Variants in CCDC91 observed in about 807,000 individuals in gnomAD.
CCDC91 encodes the protein coiled-coil domain containing 91.
In CCDC91, 48 loss-of-function variants were observed where a neutral mutation model predicts 63.2. That is an observed-to-expected ratio of 0.76 (90% CI 0.60 to 0.97). The LOEUF (loss-of-function observed/expected upper bound fraction) is 0.97. CCDC91 is among the 50% of genes least tolerant of loss of function. The pLI, the probability that CCDC91 is intolerant of heterozygous loss-of-function variation, is 0.00. For synonymous variants in CCDC91, 167 were observed against 165.8 expected, an observed-to-expected ratio of 1.01 and a Z score of -0.06; for missense variants, 500 against 494.6, an observed-to-expected ratio of 1.01 and a Z score of -0.10.
At chr12:28,233,277 C>T (rs1468887528) in intron 1 of CCDC91, among the ~76,000 whole-genome samples, 1 of 152,130 alleles carries the variant, frequency 6.6e-6, no homozygotes, top group Non-Finnish European at 1.5e-5. Context: ...GGTGTCTACT[C>T]TTCTGATTTC....
At chr12:28,535,227 A>G (rs1942054737) in intron 12 of CCDC91, among the ~76,000 whole-genome samples, 2 of 152,170 alleles carry the variant, frequency 1.3e-5, no homozygotes, top group African/African-American at 4.8e-5. Flanking sequence ...TATTTAAAGA[A>G]ATCTGGAACT....
chr12:28,202,050 A>G (rs1319387800), intron 1 of CCDC91, among the ~76,000 whole-genome samples: 1 of 152,208 alleles, frequency 6.6e-6, no homozygotes, highest in Non-Finnish European at 1.5e-5. Context: ...TTTCTTCTCT[A>G]GTGAATTTTT....
chr12:28,284,609 C>T lies in CCDC91; in HGVS notation c.110-21040C>T, dbSNP rs1443546974. ...TGGAAATTGTGGTGAGCCGAGATCG[C>T]GCCATTGCTCTCCAACCTGGGCAAC... On this transcript the variant is annotated intron_variant, in intron 3 of 12. Transcript: ENST00000536442. Among the ~76,000 whole-genome samples the T allele has an allele frequency of 4.6e-5, 7 of 151,380 alleles. No individual in the cohort carries two copies. The East Asian group carries it at 5.8e-4, about 13-fold the overall frequency.
chr12:28,462,228 G>T (rs1950341415), intron 11 of CCDC91, among the ~76,000 whole-genome samples: 1 of 152,066 alleles, frequency 6.6e-6, no homozygotes, highest in Admixed American at 6.6e-5. Context: ...AAAAACCATT[G>T]TGGAACAGAA....
chr12:28,527,625 G>GA (rs1193704553), intron 12 of CCDC91, among the ~76,000 whole-genome samples: 1 of 152,070 alleles, frequency 6.6e-6, no homozygotes, highest in African/African-American at 2.4e-5. Flanking sequence ...TGGGAGTATG[G>GA]GGGGGGAACA....
intron 1 of CCDC91, among the ~76,000 whole-genome samples, chr12:28,232,973 CAAA>C (rs35495535): frequency 6.9e-5 from 6 of 87,516 alleles, no homozygotes; most frequent in South Asian, 3.5e-4. Flanking sequence ...ACTCTATCTC[CAAA>C]AAAAAAAAAA....
intron 3 of CCDC91, among the ~76,000 whole-genome samples, chr12:28,300,763 GT>G (rs1937981044): frequency 6.6e-6 from 1 of 151,412 alleles, no homozygotes; most frequent in Admixed American, 6.6e-5. Context: ...CTTTACCTTT[GT>G]TTAGGTCTAT....
chr12:28,200,238 A>AT lies in CCDC91; in HGVS notation c.-15+9612dup, dbSNP rs57613241. 9.7e-3 allele frequency among the ~76,000 whole-genome samples: 1,354 copies of AT among 140,166 alleles called. 12 individuals are homozygous for AT. The highest frequency in any genetic ancestry group is 0.018 in the Admixed American group (250 of 14,188). The allele number at this position is 140,166 out of a possible 152,430, so 92.0% of individuals were successfully genotyped here. A position where few individuals can be genotyped will look rare whatever the true frequency, so the allele number is the denominator to read the frequency against. ...ATGTGCAGTTGAACTCTTCTAGTGA[A>AT]TTTTTTTTTTTTTTTGAGTGGTAGC... On this transcript the variant is annotated intron_variant, in intron 1 of 12. Coordinates refer to ENST00000536442, the MANE Select transcript of CCDC91 (RefSeq NM_018318.5).
chr12:28,508,814 C>T (rs1392425329), intron 12 of CCDC91, among the ~76,000 whole-genome samples: 2 of 151,898 alleles, frequency 1.3e-5, no homozygotes, highest in African/African-American at 2.4e-5. Context: ...TAAGTAGGGC[C>T]ACTCTTATTT....
intron 11 of CCDC91, among the ~76,000 whole-genome samples, chr12:28,460,147 C>A (rs527519784): frequency 6.6e-6 from 1 of 152,108 alleles, no homozygotes; most frequent in Non-Finnish European, 1.5e-5. Flanking sequence ...ATGAGGAAAT[C>A]TTTAAAGCTG....
At chr12:28,470,993 A>G (rs1242116845) in intron 11 of CCDC91, among the ~76,000 whole-genome samples, 2 of 152,330 alleles carry the variant, frequency 1.3e-5, no homozygotes, top group Admixed American at 6.5e-5. Flanking sequence ...TCAGAAAATT[A>G]GACAATCAAT....
chr12:28,217,881 T>C (rs1290205458), intron 1 of CCDC91, among the ~76,000 whole-genome samples: 1 of 152,136 alleles, frequency 6.6e-6, no homozygotes, highest in East Asian at 1.9e-4. Context: ...ACCTGATAAC[T>C]TTCACTATCC....
At chr12:28,297,601 A>G (rs1430732877) in intron 3 of CCDC91, among the ~76,000 whole-genome samples, 4 of 151,870 alleles carry the variant, frequency 2.6e-5, no homozygotes, top group Admixed American at 6.6e-5. Flanking sequence ...AAGCAAGCAA[A>G]CAAACAACAT....
intron 1 of CCDC91, among the ~76,000 whole-genome samples, chr12:28,207,789 G>A (rs1942961044): frequency 6.6e-6 from 1 of 152,054 alleles, no homozygotes; most frequent in Non-Finnish European, 1.5e-5. Context: ...AATAATAAAA[G>A]GTTTAAGGAC....
intron 8 of CCDC91, among the ~76,000 whole-genome samples, chr12:28,392,053 A>G (rs774242040): frequency 4.1e-5 from 4 of 98,736 alleles, no homozygotes; most frequent in Non-Finnish European, 1.2e-4. Context: ...GAATTAAGAA[A>G]TAAAATTAGG....
chr12:28,291,700 T>C (rs1351611650), intron 3 of CCDC91, among the ~76,000 whole-genome samples: 1 of 152,218 alleles, frequency 6.6e-6, no homozygotes, highest in Non-Finnish European at 1.5e-5. Context: ...TCATTGTTGT[T>C]GCATAGAATA....
At chr12:28,362,873 T>C (rs1388844430) in intron 7 of CCDC91, among the ~76,000 whole-genome samples, 1 of 152,162 alleles carries the variant, frequency 6.6e-6, no homozygotes, top group Non-Finnish European at 1.5e-5. Context: ...GAAAAAAATA[T>C]TATACCTTTT....
intron 8 of CCDC91, among the ~76,000 whole-genome samples, chr12:28,411,679 A>G (rs1172984950): frequency 6.6e-6 from 1 of 152,218 alleles, no homozygotes; most frequent in South Asian, 2.1e-4. Flanking sequence ...GACTGTATAT[A>G]AGATGGTGGT....
intron 6 of CCDC91, among the ~76,000 whole-genome samples, chr12:28,338,619 C>T (rs1346123903): frequency 2.0e-5 from 3 of 151,414 alleles, no homozygotes; most frequent in Non-Finnish European, 2.9e-5. Flanking sequence ...CTCTTATTGA[C>T]GTAGAAAGCT....
Sources: allele counts gnomAD v4.1 joint callset (sites outside exome capture counted in the v4.1 genomes callset), GRCh38; gene constraint gnomAD v4.1.1; transcripts MANE v1.5; gene names NCBI Gene and HGNC (gene_info 2026-07-23, HGNC 2026-07-21).